MARCHF1: variants seen among roughly 807,000 people sequenced by gnomAD.
MARCHF1 encodes the protein membrane associated ring-CH-type finger 1, also known as E3 ubiquitin-protein ligase MARCHF1.
In MARCHF1, 40 loss-of-function variants were observed where a neutral mutation model predicts 54.2. The observed-to-expected ratio is 0.74, with a 90% CI of 0.57 to 0.96. The LOEUF is 0.96. Among genes scored for constraint, MARCHF1 ranks in the 40% least tolerant of loss-of-function variants. MARCHF1 has a pLI of 0.00. For synonymous variants in MARCHF1, 236 were observed against 236.3 expected (o/e 1.00, Z 0.01); for missense variants, 586 against 656.5 (o/e 0.89, Z 1.17).
chr4:163,938,751 TG>T (rs1751851987), intron 3 of MARCHF1, among the ~76,000 whole-genome samples: 1 of 152,070 alleles, frequency 6.6e-6, no homozygotes, highest in African/African-American at 2.4e-5. Context: ...ACAATCATGG[TG>T]GAATGGGAAG....
intron 3 of MARCHF1, among the ~76,000 whole-genome samples, chr4:163,946,669 A>T (rs557583657): frequency 1.3e-5 from 2 of 152,338 alleles, no homozygotes; most frequent in African/African-American, 4.8e-5. Context: ...GTTCTCCCAA[A>T]GGCTTCAGAT....
chr4:164,079,009 A>G (rs1755036925), intron 2 of MARCHF1, among the ~76,000 whole-genome samples: 1 of 152,096 alleles, frequency 6.6e-6, no homozygotes, highest in Non-Finnish European at 1.5e-5. Context: ...GGTAAAGGGA[A>G]TCTCATTATT....
chr4:164,236,866 CTG>C (rs960003167), intron 1 of MARCHF1, among the ~76,000 whole-genome samples: 1 of 152,142 alleles, frequency 6.6e-6, no homozygotes, highest in African/African-American at 2.4e-5. Flanking sequence ...CCCCTAAAAA[CTG>C]TGAATTTTAT....
intron 1 of MARCHF1, among the ~76,000 whole-genome samples, chr4:164,352,920 T>C (rs915093009): frequency 1.3e-5 from 1 of 74,558 alleles, no homozygotes; most frequent in African/African-American, 4.2e-5. Context: ...GAGGAAGATC[T>C]ACCAAGCAAA....
intron 2 of MARCHF1, among the ~76,000 whole-genome samples, chr4:164,095,238 T>A (rs894572256): frequency 6.6e-6 from 1 of 152,040 alleles, no homozygotes; most frequent in African/African-American, 2.4e-5. Context: ...CACCACTCAA[T>A]AGCATCAGGA....
chr4:164,249,806 A>T (rs17044785), intron 1 of MARCHF1, among the ~76,000 whole-genome samples: 17,426 of 151,610 alleles, frequency 0.11, 1,570 homozygotes, highest in African/African-American at 0.25. Context: ...GCATTTGATG[A>T]GGGAAGCAAG....
chr4:164,171,862 GA>G (rs1337699245), intron 1 of MARCHF1, among the ~76,000 whole-genome samples: 1 of 152,126 alleles, frequency 6.6e-6, no homozygotes, highest in Non-Finnish European at 1.5e-5. Context: ...AGTAATACAG[GA>G]AATCCAATAT....
intron 3 of MARCHF1, among the ~76,000 whole-genome samples, chr4:163,855,886 A>G (rs1351558032): frequency 6.6e-6 from 1 of 152,200 alleles, no homozygotes; most frequent in Non-Finnish European, 1.5e-5. Flanking sequence ...ACATTAATCC[A>G]CAAATATATT....
At chr4:163,627,859 G>A (rs545576181) in intron 5 of MARCHF1, among the ~76,000 whole-genome samples, 1 of 151,584 alleles carries the variant, frequency 6.6e-6, no homozygotes, top group African/African-American at 2.4e-5. Flanking sequence ...TTAAGATGGT[G>A]CTAGAATAAA....
chr4:164,338,493 T>A (rs1729823153), intron 1 of MARCHF1, among the ~76,000 whole-genome samples: 1 of 152,134 alleles, frequency 6.6e-6, no homozygotes, highest in South Asian at 2.1e-4. Flanking sequence ...AATGGATTTT[T>A]TAAAAAAGAA....
In MARCHF1 at chr4:163,560,945, T is replaced by A. The variant is rs576364530; in HGVS notation, c.1192-15202A>T. ...GATTCCATCATATTTTCTACATAGATAATCATGTCATTTGTGCATAAAATC... is the reference window on the plus strand; with the variant it reads ...GATTCCATCATATTTTCTACATAGAAAATCATGTCATTTGTGCATAAAATC... On this transcript the variant is annotated intron_variant, in intron 8 of 9. Coordinates refer to ENST00000514618, the MANE Select transcript of MARCHF1 (RefSeq NM_001394959.1). Among the ~76,000 whole-genome samples, 3 of 152,312 alleles carry A rather than the reference T, an allele frequency of 2.0e-5. No homozygotes were observed. In the South Asian group the frequency reaches 6.2e-4, roughly 32 times the overall value.
chr4:164,042,307 T>C (rs936663644), intron 2 of MARCHF1, among the ~76,000 whole-genome samples: 2 of 152,090 alleles, frequency 1.3e-5, no homozygotes, highest in African/African-American at 4.8e-5. Flanking sequence ...AAAAAAGAGG[T>C]TTAACTGACT....
intron 1 of MARCHF1, among the ~76,000 whole-genome samples, chr4:164,326,957 TTGTGTGTGTGTGTGTGTGTG>T (rs370504086): frequency 4.5e-5 from 6 of 133,662 alleles, no homozygotes; most frequent in African/African-American, 2.9e-5. Context: ...GTTGTAAGGA[TTGTGTGTGTGTGTGTGTGTG>T]TGTGTGTGTG....
At chr4:163,597,105 A>G (rs1740800728) in intron 7 of MARCHF1, among the ~76,000 whole-genome samples, 1 of 152,084 alleles carries the variant, frequency 6.6e-6, no homozygotes, top group Non-Finnish European at 1.5e-5. Flanking sequence ...ACAGGCATGT[A>G]CTACCACGCC....
At chr4:164,347,287 G>T (rs1333100211) in intron 1 of MARCHF1, among the ~76,000 whole-genome samples, 2 of 152,150 alleles carry the variant, frequency 1.3e-5, no homozygotes, top group African/African-American at 4.8e-5. Flanking sequence ...AGAGGTGCCA[G>T]ATTTTATTTC....
chr4:164,021,019 T>C (rs995685298), intron 2 of MARCHF1, among the ~76,000 whole-genome samples: 1 of 152,058 alleles, frequency 6.6e-6, no homozygotes, highest in East Asian at 1.9e-4. Context: ...AGGACAAAAA[T>C]AGAAGTGAGT....
intron 3 of MARCHF1, among the ~76,000 whole-genome samples, chr4:163,906,601 C>T (rs1260572437): frequency 6.6e-6 from 1 of 151,666 alleles, no homozygotes. Flanking sequence ...TGCCATAAAC[C>T]TATTTATCAC....
In MARCHF1 at chr4:164,262,066, C is replaced by A. The variant is rs72691851; in HGVS notation, c.-323+121804G>T. ...GCTGCAGTGAGTCATGTCTGCACCA[C>A]TGCACTCTAGCCTGGGTGACAGAGC... On this transcript the variant is annotated intron_variant, in intron 1 of 9. Transcript: ENST00000514618. Among the ~76,000 whole-genome samples, 1,248 of 148,208 alleles carry A rather than the reference C, an allele frequency of 8.4e-3. 7 individuals are homozygous for A. Among genetic ancestry groups the A allele is most frequent in the Non-Finnish European group, 0.015 (981 of 67,456 alleles).
At chr4:163,535,206 G>A (rs183711747) in intron 9 of MARCHF1, among the ~76,000 whole-genome samples, 2 of 152,036 alleles carry the variant, frequency 1.3e-5, no homozygotes, top group Admixed American at 6.6e-5. Context: ...AAAAAAAATT[G>A]AGGGGGGTAT....
Sources: allele counts gnomAD v4.1 joint callset (sites outside exome capture counted in the v4.1 genomes callset), GRCh38; gene constraint gnomAD v4.1.1; transcripts MANE v1.5; gene names NCBI Gene and HGNC (gene_info 2026-07-23, HGNC 2026-07-21).